ZPBP: variants seen among roughly 807,000 people sequenced by gnomAD.
ZPBP encodes zona pellucida-binding protein 1.
ZPBP carries 26 observed loss-of-function variants against 44.8 expected under a neutral mutation model. The ratio of observed to expected loss-of-function variants is 0.58; its 90% CI spans 0.43 to 0.81. ZPBP has a LOEUF of 0.81. Among genes scored for constraint, ZPBP ranks in the 30% least tolerant of loss-of-function variants. The pLI, the probability that ZPBP is intolerant of heterozygous loss-of-function variation, is 0.00. For missense variants in ZPBP, 409 were observed against 434.0 expected (o/e 0.94, Z 0.51); for synonymous variants, 174 against 153.2 (o/e 1.14, Z -1.00).
At chr7:49,984,038 T>A (rs930405224) in intron 6 of ZPBP, among the ~76,000 whole-genome samples, 4 of 152,220 alleles carry the variant, frequency 2.6e-5, no homozygotes, top group Non-Finnish European at 5.9e-5. Flanking sequence ...ATAATTATAC[T>A]GGCTTGCCTC....
At chr7:49,864,743 G>C (rs954370405) in intron 2 of ZPBP, among the ~76,000 whole-genome samples, 5 of 152,182 alleles carry the variant, frequency 3.3e-5, no homozygotes, top group Non-Finnish European at 7.3e-5. Context: ...TATGAATGCT[G>C]TCTGCTCCCT....
chr7:50,031,070 C>A (rs1430982064), intron 5 of ZPBP, 22 bp downstream of exon 5: 1 of 1,608,740 alleles, frequency 6.2e-7, no homozygotes, highest in South Asian at 1.1e-5. Flanking sequence ...ATTTGCTTTT[C>A]TAACAAATTG....
At position 49,983,546 on chromosome 7, in the gene ZPBP, C is replaced by T. The variant is rs78822801; in HGVS notation, c.784-27G>A. The T allele has an allele frequency of 6.8e-5, 95 of 1,407,134 alleles. 1 individual carries two copies. The East Asian group carries it at 2.2e-3, about 33-fold the overall frequency. The allele number at this position is 1,407,134 out of a possible 1,614,324, so 87.2% of individuals were successfully genotyped here. A position where few individuals can be genotyped will look rare whatever the true frequency, so the allele number is the denominator to read the frequency against. On this transcript the variant is annotated intron_variant, in intron 6 of 7. Transcript: ENST00000046087. Reference sequence around the variant, plus strand: ...TAAAACATAAATACAATTTGATAAACTGTTAGCCATAAAAAATGTAATTTT... The same window carrying T: ...TAAAACATAAATACAATTTGATAAATTGTTAGCCATAAAAAATGTAATTTT...
intron 4 of ZPBP, among the ~76,000 whole-genome samples, chr7:50,038,130 C>T (rs1799904286): frequency 6.6e-6 from 1 of 152,116 alleles, no homozygotes; most frequent in South Asian, 2.1e-4. Context: ...CCTGCTACCC[C>T]TACATCAAAT....
In ZPBP at chr7:50,093,241, G is replaced by C. The variant is rs1469793645; in HGVS notation, c.-47C>G. ...CCACCGTCCGCGCGGAAGGTCGTTA[G>C]GCAACGCGCGCCCACCTGCAGCCGG... On this transcript the variant is annotated 5_prime_UTR_variant, in exon 1 of 8. Coordinates refer to ENST00000046087, the MANE Select transcript of ZPBP (RefSeq NM_007009.3). 6.8e-7 allele frequency: 1 copy of C among 1,472,040 alleles called. No individual in the cohort carries two copies. Among genetic ancestry groups the C allele is most frequent in the East Asian group, 2.7e-5 (1 of 37,378 alleles). 91.2% of individuals were successfully genotyped at this position (1,472,040 alleles called of 1,614,324 possible).
At chr7:50,002,967 A>G (rs1798160237) in intron 6 of ZPBP, among the ~76,000 whole-genome samples, 1 of 152,200 alleles carries the variant, frequency 6.6e-6, no homozygotes, top group Admixed American at 6.5e-5. Context: ...AAGTTACTGT[A>G]TGTTTTCGTC....
At chr7:50,027,527 T>A (rs1799393094) in intron 5 of ZPBP, among the ~76,000 whole-genome samples, 1 of 151,574 alleles carries the variant, frequency 6.6e-6, no homozygotes, top group South Asian at 2.1e-4. Context: ...GAAGAAAGAT[T>A]TCAAATCAAT....
At chr7:49,905,897 G>T in intron 1 of ZPBP, among the ~76,000 whole-genome samples, 1 of 152,176 alleles carries the variant, frequency 6.6e-6, no homozygotes, top group African/African-American at 2.4e-5. Flanking sequence ...CATCCTCACT[G>T]CTACACTCCC....
intron 4 of ZPBP, among the ~76,000 whole-genome samples, chr7:50,044,429 TAAA>T (rs1214789909): frequency 6.6e-6 from 1 of 151,702 alleles, no homozygotes; most frequent in Non-Finnish European, 1.5e-5. Context: ...GCCAGACTAA[TAAA>T]GAAGAAAAGA....
At chr7:50,068,836 T>C (rs145583262) in intron 3 of ZPBP, among the ~76,000 whole-genome samples, 3 of 152,314 alleles carry the variant, frequency 2.0e-5, no homozygotes, top group East Asian at 1.9e-4. Context: ...AAACGGAGTA[T>C]ACAACCGAAA....
chr7:49,956,309 T>A (rs572655039), intron 7 of ZPBP, among the ~76,000 whole-genome samples: 1 of 152,136 alleles, frequency 6.6e-6, no homozygotes, highest in Non-Finnish European at 1.5e-5. Context: ...TCTAAAGCAG[T>A]GTTTGAAAAA....
chr7:49,993,068 G>A (rs1314834376), intron 6 of ZPBP, among the ~76,000 whole-genome samples: 1 of 152,030 alleles, frequency 6.6e-6, no homozygotes, highest in Non-Finnish European at 1.5e-5. Context: ...TTTCAGGACT[G>A]CTGCCTGGTA....
At chr7:49,929,528 C>A (rs1469519601) in intron 1 of ZPBP, among the ~76,000 whole-genome samples, 1 of 152,174 alleles carries the variant, frequency 6.6e-6, no homozygotes, top group Non-Finnish European at 1.5e-5. Context: ...AGGGACCAAC[C>A]AACAAACTAA....
chr7:49,961,671 C>A (rs1242485645), intron 7 of ZPBP, among the ~76,000 whole-genome samples: 1 of 151,906 alleles, frequency 6.6e-6, no homozygotes, highest in Admixed American at 6.6e-5. Context: ...GGTTATCATG[C>A]AAAACAATAC....
intron 7 of ZPBP, among the ~76,000 whole-genome samples, chr7:49,980,054 ATTT>A (rs1317604416): frequency 2.5e-4 from 21 of 82,552 alleles, no homozygotes; most frequent in Admixed American, 2.3e-3. Context: ...ATATAATATA[ATTT>A]TATATTATAT....
intron 2 of ZPBP, among the ~76,000 whole-genome samples, chr7:49,853,100 G>A (rs1416272248): frequency 6.6e-6 from 1 of 152,244 alleles, no homozygotes; most frequent in Admixed American, 6.5e-5. Flanking sequence ...GCAGGCTGAA[G>A]GCAGGCTCCC....
chr7:49,877,570 T>C (rs1273591686), intron 2 of ZPBP, among the ~76,000 whole-genome samples: 1 of 138,234 alleles, frequency 7.2e-6, no homozygotes, highest in Non-Finnish European at 1.6e-5. Flanking sequence ...CTTTTTTTTA[T>C]GATTGTTTCC....
At chr7:49,904,935 C>T (rs1793005818) in intron 1 of ZPBP, among the ~76,000 whole-genome samples, 1 of 151,882 alleles carries the variant, frequency 6.6e-6, no homozygotes, top group Non-Finnish European at 1.5e-5. Flanking sequence ...GGGGTTTCAC[C>T]ATCTTGGCCA....
intron 2 of ZPBP, among the ~76,000 whole-genome samples, chr7:49,872,915 C>CAAAAAAAAAAAAAAAAAAAAAAA (rs61473396): frequency 1.5e-4 from 5 of 33,960 alleles, no homozygotes; most frequent in Non-Finnish European, 2.7e-4. Flanking sequence ...GACTTTGTCT[C>CAAAAAAAAAAAAAAAAAAAAAAA]AAAAAAAAAA....
Sources: gnomAD v4.1 joint callset for allele counts (sites outside exome capture counted in the v4.1 genomes callset) on GRCh38, gnomAD v4.1.1 for gene constraint, MANE v1.5 for transcripts, NCBI Gene and HGNC (gene_info 2026-07-23, HGNC 2026-07-21) for gene names.